The following NOL4L variants were observed in gnomAD, a reference collection of about 807,000 sequenced individuals.
NOL4L encodes the protein nucleolar protein 4 like.
In NOL4L, 7 loss-of-function variants were observed where a neutral mutation model predicts 64.5. The observed-to-expected ratio is 0.11, with a 90% CI of 0.06 to 0.20. NOL4L has a LOEUF of 0.20. Among genes scored for constraint, NOL4L ranks in the 10% least tolerant of loss-of-function variants. The pLI is 1.00. For synonymous variants in NOL4L, 413 were observed against 401.0 expected (o/e 1.03, Z -0.36); for missense variants, 680 against 967.1 (o/e 0.70, Z 3.94).
chr20:32,508,181 T>C (rs2017212548), intron 4 of NOL4L, among the ~76,000 whole-genome samples: 1 of 152,248 alleles, frequency 6.6e-6, no homozygotes, highest in African/African-American at 2.4e-5. Context: ...CTCAAAGCCT[T>C]GTCTTGGGAC....
chr20:32,514,230 A>G (rs1568674825), intron 3 of NOL4L, among the ~76,000 whole-genome samples: 1 of 152,008 alleles, frequency 6.6e-6, no homozygotes, highest in Non-Finnish European at 1.5e-5. Flanking sequence ...GGTGGCTCAC[A>G]CCTGTAATCC....
intron 4 of NOL4L, among the ~76,000 whole-genome samples, chr20:32,491,452 G>A (rs923225755): frequency 1.3e-5 from 2 of 152,300 alleles, no homozygotes; most frequent in South Asian, 2.1e-4. Context: ...CTGAACTGAC[G>A]CGTTTGTGGT....
At chr20:32,509,816 G>A in intron 4 of NOL4L, 5 of 1,304,096 alleles carry the variant, frequency 3.8e-6, no homozygotes, top group Non-Finnish European at 5.1e-6. Flanking sequence ...CATTCTGTAT[G>A]AAACAAAACC....
chr20:32,541,945 T>C (rs1278145857), intron 1 of NOL4L, among the ~76,000 whole-genome samples: 1 of 152,186 alleles, frequency 6.6e-6, no homozygotes, highest in Non-Finnish European at 1.5e-5. Flanking sequence ...AAAGCAATAA[T>C]ATTGAGGACT....
intron 4 of NOL4L, among the ~76,000 whole-genome samples, chr20:32,487,735 G>A (rs559093935): frequency 1.2e-3 from 176 of 152,110 alleles, no homozygotes; most frequent in Non-Finnish European, 2.0e-3. Context: ...TTTAGATCAG[G>A]GGAGATGAGA....
At chr20:32,468,900 CAAA>C (rs555969764) in intron 5 of NOL4L, among the ~76,000 whole-genome samples, 6 of 95,298 alleles carry the variant, frequency 6.3e-5, no homozygotes, top group African/African-American at 2.2e-4. Flanking sequence ...GACTCCATCT[CAAA>C]AAAAAAAAAA....
At chr20:32,461,567 C>T (rs1192886887) in intron 5 of NOL4L, among the ~76,000 whole-genome samples, 7 of 151,172 alleles carry the variant, frequency 4.6e-5, no homozygotes, top group African/African-American at 9.7e-5. Flanking sequence ...GGACTACAGG[C>T]GCCCACCACC....
chr20:32,563,516 G>A (rs1034512568), intron 1 of NOL4L, among the ~76,000 whole-genome samples: 3 of 151,988 alleles, frequency 2.0e-5, no homozygotes, highest in Non-Finnish European at 4.4e-5. Context: ...TGCCTGCGCT[G>A]CTCAGGTGAC....
At chr20:32,488,175 C>A (rs2016174410) in intron 4 of NOL4L, among the ~76,000 whole-genome samples, 1 of 152,146 alleles carries the variant, frequency 6.6e-6, no homozygotes, top group African/African-American at 2.4e-5. Context: ...AGTGATCCAC[C>A]CGCCTTGGCC....
Position 32,447,233 on chromosome 20 carries a change from T to TAA in NOL4L, c.*361_*362dup. The TAA allele has an allele frequency of 2.0e-6, 1 of 502,042 alleles. No individual in the cohort carries two copies. The highest frequency in any genetic ancestry group is 5.6e-5 in the East Asian group (1 of 17,794). 31.1% of individuals were successfully genotyped at this position (502,042 alleles called of 1,614,324 possible). On this transcript the variant is annotated 3_prime_UTR_variant, in exon 11 of 11. Transcript: ENST00000621426. ...CAATAAATATGCAATTCTGCTCACC[T>TAA]AAGACTTGAAAGGTAATTATCTGGG...
chr20:32,542,672 C>T (rs1446532037), intron 1 of NOL4L, among the ~76,000 whole-genome samples: 3 of 152,116 alleles, frequency 2.0e-5, no homozygotes, highest in Non-Finnish European at 4.4e-5. Flanking sequence ...ACTTCTGACT[C>T]GTCTCTTGAA....
chr20:32,562,059 G>A lies in NOL4L; in HGVS notation c.321+22511C>T, dbSNP rs111302386. Among the ~76,000 whole-genome samples the A allele has an allele frequency of 8.4e-3, 1,277 of 152,142 alleles. 14 individuals are homozygous for A. The highest frequency in any genetic ancestry group is 0.03 in the African/African-American group (1,234 of 41,496). On this transcript the variant is annotated intron_variant, in intron 1 of 10. Coordinates refer to ENST00000621426, the MANE Select transcript of NOL4L (RefSeq NM_001256798.2). ...GTGCTCAATGAAAGACCACAGGCGC[G>A]CTTACTCCGAGGGCCATGGGGTGCC...
At chr20:32,518,475 G>A (rs1328447004) in intron 3 of NOL4L, among the ~76,000 whole-genome samples, 1 of 152,234 alleles carries the variant, frequency 6.6e-6, no homozygotes, top group Non-Finnish European at 1.5e-5. Context: ...CCTGCAGCAT[G>A]GGGAGACCTC....
intron 4 of NOL4L, chr20:32,483,390 G>A: frequency 2.0e-6 from 2 of 985,324 alleles, no homozygotes; most frequent in South Asian, 4.6e-5. Context: ...GGAGATGGGC[G>A]GTCGGGATCC....
rs2012268248 is a variant in NOL4L, at chr20:32,445,001, A to G, written c.*2595T>C. On this transcript the variant is annotated 3_prime_UTR_variant, in exon 11 of 11. Transcript: ENST00000621426. ...GCCAGCTAAATGGAATCCTGTTTCC[A>G]TGCAGAAACTTGCTCCTGATTCTGC... The G allele has an allele frequency of 6.6e-6, 1 of 152,236 alleles. No homozygotes were observed. Among genetic ancestry groups the G allele is most frequent in the South Asian group, 2.1e-4 (1 of 4,828 alleles). The allele number at this position is 152,236 out of a possible 1,614,324, so 9.4% of individuals were successfully genotyped here.
chr20:32,550,472 G>A (rs1019647200), intron 1 of NOL4L, among the ~76,000 whole-genome samples: 1 of 152,250 alleles, frequency 6.6e-6, no homozygotes, highest in Non-Finnish European at 1.5e-5. Flanking sequence ...TAGGTCAGGC[G>A]TGGTGGCTCA....
intron 10 of NOL4L, 150 bp from the exon 11 acceptor site, chr20:32,447,966 G>A: frequency 9.4e-7 from 1 of 1,062,676 alleles, no homozygotes; most frequent in South Asian, 2.1e-5. Flanking sequence ...CTCCCTGATG[G>A]CTCTATCCCT....
intron 1 of NOL4L, among the ~76,000 whole-genome samples, chr20:32,567,849 A>G (rs999875042): frequency 2.0e-5 from 3 of 151,950 alleles, no homozygotes; most frequent in Non-Finnish European, 4.4e-5. Context: ...CACACACACC[A>G]CCATCACCAT....
At chr20:32,566,606 G>A (rs1013183177) in intron 1 of NOL4L, among the ~76,000 whole-genome samples, 1 of 152,178 alleles carries the variant, frequency 6.6e-6, no homozygotes, top group African/African-American at 2.4e-5. Flanking sequence ...CGGGGCCTTT[G>A]CACTTGCTGT....
Sources: allele counts gnomAD v4.1 joint callset (sites outside exome capture counted in the v4.1 genomes callset), GRCh38; gene constraint gnomAD v4.1.1; transcripts MANE v1.5; gene names NCBI Gene and HGNC (gene_info 2026-07-23, HGNC 2026-07-21).